Variants in NLGN1 observed in about 807,000 individuals in gnomAD.
NLGN1 encodes neuroligin 1.
NLGN1 carries 12 observed loss-of-function variants against 65.5 expected under a neutral mutation model. That is an observed-to-expected ratio of 0.18 (90% CI 0.12 to 0.30). The LOEUF (loss-of-function observed/expected upper bound fraction) is 0.30, where lower values mean the gene tolerates loss of function less well. NLGN1 is among the 10% of genes least tolerant of loss of function. The probability of loss-of-function intolerance (pLI) is 1.00; values close to 1 mark genes in which losing one functional copy is unlikely to be tolerated. For synonymous variants in NLGN1, 350 were observed against 359.5 expected (o/e 0.97, Z 0.30); for missense variants, 750 against 1,007.1 (o/e 0.74, Z 3.46).
At chr3:174,058,342 T>G (rs1393644007) in intron 4 of NLGN1, among the ~76,000 whole-genome samples, 1 of 152,154 alleles carries the variant, frequency 6.6e-6, no homozygotes, top group Non-Finnish European at 1.5e-5. Flanking sequence ...GCATTTATAC[T>G]GGAGAGTACC....
At chr3:173,953,876 TG>T (rs1748695541) in intron 4 of NLGN1, among the ~76,000 whole-genome samples, 1 of 152,166 alleles carries the variant, frequency 6.6e-6, no homozygotes, top group Admixed American at 6.5e-5. Context: ...CTGATGTAAT[TG>T]CTAATGGTCC....
At chr3:173,431,871 G>A (rs1717233740) in intron 1 of NLGN1, among the ~76,000 whole-genome samples, 2 of 151,930 alleles carry the variant, frequency 1.3e-5, no homozygotes, top group Admixed American at 6.6e-5. Context: ...AGGGCTCTAT[G>A]GTCTGCCTAT....
At chr3:173,486,888 A>G (rs1009778098) in intron 2 of NLGN1, among the ~76,000 whole-genome samples, 1 of 151,578 alleles carries the variant, frequency 6.6e-6, no homozygotes, top group Non-Finnish European at 1.5e-5. Context: ...CTTAAGTTTC[A>G]AGTTTAGTTC....
chr3:173,905,985 A>T (rs1738309661), intron 4 of NLGN1, among the ~76,000 whole-genome samples: 1 of 152,240 alleles, frequency 6.6e-6, no homozygotes, highest in South Asian at 2.1e-4. Context: ...CCAAGAACAG[A>T]CACAAGGGCG....
Position 173,733,858 on chromosome 3 carries a change from A to G in NLGN1, c.494-73822A>G, listed in dbSNP as rs80002166. 3.9e-3 allele frequency among the ~76,000 whole-genome samples: 593 copies of G among 152,248 alleles called. 5 individuals are homozygous for G. Among genetic ancestry groups the G allele is most frequent in the African/African-American group, 0.013 (560 of 41,558 alleles). On this transcript the variant is annotated intron_variant, in intron 3 of 6. Transcript: ENST00000457714. Reference sequence around the variant, plus strand: ...GCAAAAAAGCATTGTCCATACCACCAAATTCAACAAGAAAATAAAAACATT... The same window carrying G: ...GCAAAAAAGCATTGTCCATACCACCGAATTCAACAAGAAAATAAAAACATT...
At chr3:174,270,123 T>G (rs1409771781) in intron 4 of NLGN1, among the ~76,000 whole-genome samples, 1 of 95,400 alleles carries the variant, frequency 1.0e-5, no homozygotes, top group African/African-American at 4.6e-5. Context: ...TTGGTTTCCT[T>G]TCTTTTTTTT....
intron 4 of NLGN1, among the ~76,000 whole-genome samples, chr3:174,117,870 C>T (rs1716873674): frequency 6.6e-6 from 1 of 152,200 alleles, no homozygotes; most frequent in Admixed American, 6.5e-5. Flanking sequence ...TTAAAAAATG[C>T]CCTTTATTTA....
intron 4 of NLGN1, among the ~76,000 whole-genome samples, chr3:173,907,582 C>CT (rs561283815): frequency 0.16 from 18,801 of 120,616 alleles, 2,059 homozygotes; most frequent in East Asian, 0.36. Flanking sequence ...CTCTCTCTCT[C>CT]TTTTTTTTTT....
intron 4 of NLGN1, among the ~76,000 whole-genome samples, chr3:174,230,772 G>A (rs933136863): frequency 6.6e-6 from 1 of 151,812 alleles, no homozygotes; most frequent in African/African-American, 2.4e-5. Context: ...TCTTTTTATG[G>A]ATAAATATTT....
chr3:173,419,385 CT>C (rs941505824), intron 1 of NLGN1, among the ~76,000 whole-genome samples: 4 of 150,938 alleles, frequency 2.7e-5, no homozygotes, highest in Non-Finnish European at 4.4e-5. Context: ...GGGCTGGCAT[CT>C]TCCCAGCTGG....
At chr3:173,722,152 G>A (rs2150008462) in intron 3 of NLGN1, among the ~76,000 whole-genome samples, 1 of 151,864 alleles carries the variant, frequency 6.6e-6, no homozygotes, top group Admixed American at 6.5e-5. Flanking sequence ...TGGGTTGATA[G>A]CCTTTGCTGT....
At chr3:173,913,413 A>G in intron 4 of NLGN1, among the ~76,000 whole-genome samples, 1 of 152,168 alleles carries the variant, frequency 6.6e-6, no homozygotes, top group East Asian at 1.9e-4. Context: ...ATAACCTGGA[A>G]CTAATGGCCA....
intron 4 of NLGN1, among the ~76,000 whole-genome samples, chr3:174,023,775 CA>C (rs1728251547): frequency 6.6e-6 from 1 of 151,996 alleles, no homozygotes; most frequent in Admixed American, 6.6e-5. Flanking sequence ...TTTGATTGAG[CA>C]AAAAAGTCAT....
chr3:173,552,402 G>T (rs141458315), intron 2 of NLGN1, among the ~76,000 whole-genome samples: 250 of 152,222 alleles, frequency 1.6e-3, no homozygotes, highest in African/African-American at 5.7e-3. Context: ...ATTGTTAGCA[G>T]TGGAGACCTA....
At chr3:173,486,325 A>T (rs1176386146) in intron 2 of NLGN1, among the ~76,000 whole-genome samples, 1 of 151,958 alleles carries the variant, frequency 6.6e-6, no homozygotes, top group Non-Finnish European at 1.5e-5. Context: ...GCCTCCCAAA[A>T]TGCTGGGATT....
intron 4 of NLGN1, among the ~76,000 whole-genome samples, chr3:173,985,444 C>T (rs923853980): frequency 6.6e-5 from 10 of 152,074 alleles, no homozygotes; most frequent in Non-Finnish European, 1.2e-4. Context: ...GTAGCAGGAA[C>T]CCATTCTAGT....
intron 4 of NLGN1, among the ~76,000 whole-genome samples, chr3:173,831,837 T>G (rs1722644634): frequency 6.6e-6 from 1 of 152,222 alleles, no homozygotes; most frequent in Admixed American, 6.5e-5. Context: ...ATACATAATC[T>G]GCAGAGAAAT....
intron 4 of NLGN1, among the ~76,000 whole-genome samples, chr3:173,823,760 C>G (rs2150550311): frequency 6.6e-6 from 1 of 151,936 alleles, no homozygotes; most frequent in South Asian, 2.1e-4. Context: ...ATTATACACA[C>G]CTGTTGGGAG....
At chr3:173,827,869 C>G (rs1176195827) in intron 4 of NLGN1, among the ~76,000 whole-genome samples, 1 of 150,962 alleles carries the variant, frequency 6.6e-6, no homozygotes, top group African/African-American at 2.4e-5. Context: ...CTTTCTCTGC[C>G]TTTTTACTCT....
Sources: gnomAD v4.1 joint callset for allele counts (sites outside exome capture counted in the v4.1 genomes callset) on GRCh38, gnomAD v4.1.1 for gene constraint, MANE v1.5 for transcripts, NCBI Gene and HGNC (gene_info 2026-07-23, HGNC 2026-07-21) for gene names.